Variants in SNRPC observed in about 807,000 individuals in gnomAD.
SNRPC encodes the protein small nuclear ribonucleoprotein polypeptide C.
In SNRPC, 5 loss-of-function variants were observed where a neutral mutation model predicts 20.0. The observed-to-expected ratio is 0.25, with a 90% CI of 0.13 to 0.53. The LOEUF is 0.53. Ranked by LOEUF, SNRPC falls within the 20% of genes least tolerant of loss-of-function variation. SNRPC has a pLI of 0.96. For synonymous variants in SNRPC, 61 were observed against 58.7 expected, an observed-to-expected ratio of 1.04 and a Z score of -0.18; for missense variants, 112 against 224.1, an observed-to-expected ratio of 0.50 and a Z score of 3.19.
intron 2 of SNRPC, among the ~76,000 whole-genome samples, chr6:34,759,462 T>C (rs532249066): frequency 2.0e-5 from 3 of 152,362 alleles, no homozygotes; most frequent in African/African-American, 7.2e-5. Flanking sequence ...GCATCATATT[T>C]TGGCATGCAA....
intron 5 of SNRPC, among the ~76,000 whole-genome samples, chr6:34,771,223 G>A (rs1264857763): frequency 6.6e-6 from 1 of 151,864 alleles, no homozygotes; most frequent in Non-Finnish European, 1.5e-5. Context: ...CAGCTACTCA[G>A]GAGGCTGAGG....
intron 5 of SNRPC, 111 bp downstream of exon 5, chr6:34,770,506 G>A (rs990193374): frequency 1.5e-6 from 1 of 676,324 alleles, no homozygotes; most frequent in African/African-American, 1.8e-5. Context: ...TGAAAATGGG[G>A]AGTTGTGCTC....
intron 3 of SNRPC, among the ~76,000 whole-genome samples, chr6:34,763,506 C>T (rs995817204): frequency 6.6e-6 from 1 of 151,528 alleles, no homozygotes; most frequent in African/African-American, 2.4e-5. Context: ...AATGGTGAAA[C>T]CCCATCTCTA....
chr6:34,758,839 C>T (rs1052228592), intron 2 of SNRPC, among the ~76,000 whole-genome samples: 6 of 151,350 alleles, frequency 4.0e-5, no homozygotes, highest in Admixed American at 6.6e-5. Flanking sequence ...ACGGTGAAAC[C>T]CCGTCTCTAC....
At chr6:34,767,873 AT>A in intron 3 of SNRPC, 34 bp from the exon 4 acceptor site, 1 of 1,365,314 alleles carries the variant, frequency 7.3e-7, no homozygotes, top group Non-Finnish European at 9.9e-7. Context: ...ATTCTTATTC[AT>A]CTTTTTTTTT....
chr6:34,765,431 ATTTATTTAT>A lies in SNRPC; in HGVS notation c.161-2465_161-2457del, dbSNP rs796691938. Among the ~76,000 whole-genome samples, 25 of 151,136 alleles carry A rather than the reference ATTTATTTAT, an allele frequency of 1.7e-4. No homozygotes were observed. In the East Asian group the frequency reaches 3.9e-3, roughly 23 times the overall value. ...ATTTATCTTATATATTTATTTATTT[ATTTATTTAT>A]TTTATTTATTTATTGAGATTGAGTC... On this transcript the variant is annotated intron_variant, in intron 3 of 5. Coordinates refer to ENST00000244520, the MANE Select transcript of SNRPC (RefSeq NM_003093.3).
At chr6:34,758,074 C>A in intron 2 of SNRPC, 120 bp downstream of exon 2, 2 of 1,054,350 alleles carry the variant, frequency 1.9e-6, no homozygotes, top group South Asian at 1.6e-5. Context: ...AGGTCTACTC[C>A]TTGAAGAAAA....
intron 3 of SNRPC, among the ~76,000 whole-genome samples, chr6:34,763,227 A>G (rs1458194752): frequency 4.6e-5 from 7 of 152,166 alleles, no homozygotes; most frequent in African/African-American, 1.7e-4. Context: ...TCTTTTTGTT[A>G]GGAACATTTT....
chr6:34,765,904 AATTTT>A (rs1764607544), intron 3 of SNRPC, among the ~76,000 whole-genome samples: 1 of 151,694 alleles, frequency 6.6e-6, no homozygotes, highest in Non-Finnish European at 1.5e-5. Context: ...ATGCCAGGTT[AATTTT>A]GTAAAATTTT....
chr6:34,771,143 A>G (rs1276383537), intron 5 of SNRPC, among the ~76,000 whole-genome samples: 1 of 152,090 alleles, frequency 6.6e-6, no homozygotes, highest in Admixed American at 6.6e-5. Flanking sequence ...CTTGGCTAAC[A>G]CAATGAAACC....
intron 3 of SNRPC, among the ~76,000 whole-genome samples, chr6:34,767,400 T>A (rs1420762390): frequency 3.9e-5 from 6 of 152,226 alleles, no homozygotes; most frequent in African/African-American, 1.2e-4. Flanking sequence ...GTGAGTGGAT[T>A]GCGTGGACTC....
At position 34,757,529 on chromosome 6, in the gene SNRPC, G is replaced by T. The variant is rs371733246; in HGVS notation, c.-15G>T. The T allele has an allele frequency of 6.2e-7, 1 of 1,613,314 alleles. No homozygotes were observed. The highest frequency in any genetic ancestry group is 1.7e-5 in the Admixed American group (1 of 59,988). The stretch of plus-strand genomic sequence containing the variant: ...GGCGTCACGTAACGGAGTGGCCAAC[G>T]GCCTGCAGAGCAACATGCCCAAGTG... On this transcript the variant is annotated 5_prime_UTR_variant, in exon 1 of 6. Coordinates refer to ENST00000244520, the MANE Select transcript of SNRPC (RefSeq NM_003093.3).
At chr6:34,762,321 GATAGAGATAA>G (rs1180083871) in intron 2 of SNRPC, among the ~76,000 whole-genome samples, 2 of 151,642 alleles carry the variant, frequency 1.3e-5, no homozygotes, top group South Asian at 2.1e-4. Context: ...AAAAAAGATA[GATAGAGATAA>G]ATGTGGTTGT....
Position 34,773,310 on chromosome 6 carries a change from C to T in SNRPC, c.356-136C>T. 1 of 669,790 alleles carries T rather than the reference C, an allele frequency of 1.5e-6. No individual in the cohort carries two copies. The highest frequency in any genetic ancestry group is 2.0e-5 in the South Asian group (1 of 49,524). The allele number at this position is 669,790 out of a possible 1,614,324, so 41.5% of individuals were successfully genotyped here. ...ATGTGATAAATTTGTTGCATTTCTT[C>T]TGTCACGTGTGTCTTTTTTCCAGCA... On this transcript the variant is annotated intron_variant, in intron 5 of 5. Coordinates refer to ENST00000244520, the MANE Select transcript of SNRPC (RefSeq NM_003093.3). The surrounding 1 kb of genome is among the most constrained non-coding windows in gnomAD (Gnocchi z 4.1).
chr6:34,758,969 G>T (rs1374986082), intron 2 of SNRPC, among the ~76,000 whole-genome samples: 1 of 137,608 alleles, frequency 7.3e-6, no homozygotes, highest in African/African-American at 2.7e-5. Flanking sequence ...GCAGTGAGCC[G>T]AGATCCCGCC....
intron 3 of SNRPC, among the ~76,000 whole-genome samples, chr6:34,766,683 C>T (rs1300706993): frequency 2.0e-5 from 3 of 152,184 alleles, no homozygotes; most frequent in African/African-American, 7.2e-5. Context: ...AAGCTGTCCT[C>T]TTACAAAGGA....
At chr6:34,767,879 T>TG (rs764687937) in intron 3 of SNRPC, 29 bp from the exon 4 acceptor site, 5 of 1,388,956 alleles carry the variant, frequency 3.6e-6, no homozygotes, top group Non-Finnish European at 4.7e-6. Flanking sequence ...ATTCATCTTT[T>TG]TTTTTTTTTT....
intron 3 of SNRPC, among the ~76,000 whole-genome samples, chr6:34,763,899 TAG>T (rs1764576750): frequency 6.7e-6 from 1 of 148,864 alleles, no homozygotes; most frequent in African/African-American, 2.5e-5. Context: ...GTATTTTTAG[TAG>T]AGACGGGATT....
chr6:34,764,834 C>A (rs1330023505), intron 3 of SNRPC, among the ~76,000 whole-genome samples: 1 of 151,936 alleles, frequency 6.6e-6, no homozygotes, highest in Admixed American at 6.6e-5. Context: ...CCAGCCTGAC[C>A]AACATCGAGA....
Sources: gnomAD v4.1 joint callset for allele counts (sites outside exome capture counted in the v4.1 genomes callset) on GRCh38, gnomAD v4.1.1 for gene constraint, Gnocchi (gnomAD v3.1) non-coding constraint, MANE v1.5 for transcripts, NCBI Gene and HGNC (gene_info 2026-07-23, HGNC 2026-07-21) for gene names.